The following ITFG2 variants were observed in gnomAD, a reference collection of about 807,000 sequenced individuals.
ITFG2 encodes KICSTOR complex protein ITFG2.
ITFG2 carries 36 observed loss-of-function variants against 54.4 expected under a neutral mutation model. That is an observed-to-expected ratio of 0.66 (90% CI 0.51 to 0.87). The LOEUF (loss-of-function observed/expected upper bound fraction) is 0.87, where lower values mean the gene tolerates loss of function less well. Among genes scored for constraint, ITFG2 ranks in the 40% least tolerant of loss-of-function variants. ITFG2 has a pLI of 0.00. For missense variants in ITFG2, 524 were observed against 576.7 expected (o/e 0.91, Z 0.94); for synonymous variants, 211 against 225.4 (o/e 0.94, Z 0.57).
upstream of ITFG2, among the ~76,000 whole-genome samples, chr12:2,834,094 C>A (rs2098016378): frequency 6.6e-6 from 1 of 152,188 alleles, no homozygotes; most frequent in African/African-American, 2.4e-5. Flanking sequence ...CCTGGAAGGT[C>A]CATTCCACTC....
chr12:2,826,465 T>C (rs1354202808), downstream of ITFG2: 2 of 151,738 alleles, frequency 1.3e-5, no homozygotes. Context: ...CACGCAAGGC[T>C]CAGGGGCTCG....
rs147929093 is a variant in ITFG2 at position 2,858,663 on chromosome 12, G to A, written n.620+332G>A. 41 of 1,614,058 alleles carry A rather than the reference G, an allele frequency of 2.5e-5. No homozygotes were observed. In the African/African-American group the frequency reaches 4.5e-4, roughly 18 times the overall value. On this transcript the variant is annotated intron_variant and non_coding_transcript_variant, in intron 3 of 3. Transcript: ENST00000537710. ...CTACTGTAGCTCAGGAATAAACTGG[G>A]ACCAGTTGATGTTGTCAGGGCCCAG... is the stretch of plus-strand genomic sequence containing the variant.
chr12:2,818,291 C>T lies in ITFG2; in HGVS notation c.406+14C>T, dbSNP rs773118411. ...TCAGCGACATCGGTGGGCATGCCTA[C>T]CTTTGCAGGCAGCCAGGAGAGTAGG... On this transcript the variant is annotated intron_variant, in intron 4 of 11. Transcript: ENST00000228799. The T allele has an allele frequency of 6.2e-7, 1 of 1,610,674 alleles. No individual in the cohort carries two copies. Among genetic ancestry groups the T allele is most frequent in the South Asian group, 1.1e-5 (1 of 91,068 alleles).
Position 2,855,336 on chromosome 12 carries a change from G to C in ITFG2, n.301-2676G>C, listed in dbSNP as rs760686425. 3.9e-6 allele frequency: 6 copies of C among 1,532,142 alleles called. No individual in the cohort carries two copies. In the East Asian group the frequency reaches 1.5e-4, roughly 38 times the overall value. The allele number at this position is 1,532,142 out of a possible 1,614,324, so 94.9% of individuals were successfully genotyped here. The stretch of plus-strand genomic sequence containing the variant: ...AGGGCGGCAGCTTCAGAGCCAGCTG[G>C]TGGTAGGCTTGCCGGGTGAAGCCAG... On this transcript the variant is annotated intron_variant and non_coding_transcript_variant, in intron 2 of 3. Transcript: ENST00000537710.
Position 2,824,216 on chromosome 12 carries a change from G to A in ITFG2, c.*23G>A, listed in dbSNP as rs1325833503. 1.2e-6 allele frequency: 2 copies of A among 1,609,330 alleles called. No individual in the cohort carries two copies. Among genetic ancestry groups the A allele is most frequent in the African/African-American group, 1.3e-5 (1 of 74,922 alleles). ...TAGCTGTACTTGCCTCATAGCTGGT[G>A]AAGGATTCTTCTGAACCCCCACCCT... is the stretch of plus-strand genomic sequence containing the variant. On this transcript the variant is annotated 3_prime_UTR_variant, in exon 12 of 12. Coordinates refer to ENST00000228799, the MANE Select transcript of ITFG2 (RefSeq NM_018463.4).
chr12:2,844,964 G>C (rs1603486074), intron 2 of ITFG2, among the ~76,000 whole-genome samples: 1 of 152,220 alleles, frequency 6.6e-6, no homozygotes, highest in South Asian at 2.1e-4. Context: ...GCGTTCGTGA[G>C]GCTCTGCCCT....
intron 2 of ITFG2, among the ~76,000 whole-genome samples, chr12:2,854,668 G>A (rs959736015): frequency 9.9e-5 from 15 of 152,194 alleles, no homozygotes; most frequent in African/African-American, 3.6e-4. Flanking sequence ...CCTACCAGGT[G>A]TCACCTGCAT....
intron 2 of ITFG2, among the ~76,000 whole-genome samples, chr12:2,851,235 C>T (rs2098069886): frequency 6.6e-6 from 1 of 151,970 alleles, no homozygotes; most frequent in South Asian, 2.1e-4. Context: ...CTGGAAGTTG[C>T]TCTGGGTGAG....
At chr12:2,828,065 G>A (rs764442099), downstream of ITFG2, 1 of 1,603,496 alleles carries the variant, frequency 6.2e-7, no homozygotes, top group Admixed American at 1.7e-5. Context: ...TGGGAAGCAA[G>A]GGTTATGGCT....
At chr12:2,837,246 G>A (rs1469445233) in intron 1 of ITFG2, among the ~76,000 whole-genome samples, 1 of 152,170 alleles carries the variant, frequency 6.6e-6, no homozygotes, top group Non-Finnish European at 1.5e-5. Flanking sequence ...GGGAGGCCGA[G>A]GCAGGCGGAT....
intron 2 of ITFG2, chr12:2,830,740 T>A: frequency 6.2e-7 from 1 of 1,613,600 alleles, no homozygotes; most frequent in Non-Finnish European, 8.5e-7. Context: ...GGAATCTCTG[T>A]CCTGCTGGTC....
intron 2 of ITFG2, among the ~76,000 whole-genome samples, chr12:2,846,195 G>C (rs1287081011): frequency 6.6e-6 from 1 of 152,232 alleles, no homozygotes; most frequent in Non-Finnish European, 1.5e-5. Flanking sequence ...GCTGGAAGGT[G>C]GTGGGGCGGG....
upstream of ITFG2, chr12:2,835,112 A>G (rs1258283503): frequency 1.4e-6 from 2 of 1,432,946 alleles, no homozygotes; most frequent in African/African-American, 2.9e-5. Context: ...ACTTGGCCGC[A>G]TCCCCAACGC....
At chr12:2,840,117 AAAG>A (rs1403712775) in intron 1 of ITFG2, among the ~76,000 whole-genome samples, 1 of 151,974 alleles carries the variant, frequency 6.6e-6, no homozygotes, top group Admixed American at 6.6e-5. Flanking sequence ...AAAAAAAAAA[AAAG>A]GGCAAGATCT....
At chr12:2,820,699 C>T in intron 5 of ITFG2, 25 bp from the exon 6 acceptor site, 1 of 1,558,796 alleles carries the variant, frequency 6.4e-7, no homozygotes, top group Non-Finnish European at 8.7e-7. Flanking sequence ...TCTCCGTCTC[C>T]CTTTAATCCC....
chr12:2,818,418 G>T, intron 4 of ITFG2, 141 bp downstream of exon 4: 1 of 1,495,264 alleles, frequency 6.7e-7, no homozygotes, highest in South Asian at 1.2e-5. Context: ...GATAAGCCAG[G>T]CATCACTCAA....
intron 1 of ITFG2, among the ~76,000 whole-genome samples, chr12:2,838,074 C>T (rs1374885700): frequency 6.6e-6 from 1 of 152,122 alleles, no homozygotes; most frequent in Admixed American, 6.5e-5. Context: ...TTTCTAGCTC[C>T]CTCCCATGTC....
intron 2 of ITFG2, among the ~76,000 whole-genome samples, chr12:2,846,575 TA>T (rs1168337238): frequency 6.6e-6 from 1 of 152,046 alleles, no homozygotes; most frequent in African/African-American, 2.4e-5. Flanking sequence ...CTGAGGTTGT[TA>T]GGCGTGTTTT....
At chr12:2,827,272 G>A (rs750523114), downstream of ITFG2, 2 of 1,614,022 alleles carry the variant, frequency 1.2e-6, no homozygotes, top group Non-Finnish European at 1.7e-6. The surrounding 1 kb of genome is among the most constrained non-coding windows in gnomAD (Gnocchi z 4.0). Flanking sequence ...TTCAGCCGCA[G>A]CACTCCGTGC....
Sources: allele counts gnomAD v4.1 joint callset (sites outside exome capture counted in the v4.1 genomes callset), GRCh38; gene constraint gnomAD v4.1.1; non-coding constraint Gnocchi (gnomAD v3.1); transcripts MANE v1.5; gene names NCBI Gene and HGNC (gene_info 2026-07-23, HGNC 2026-07-21).